NFIA: variants seen among roughly 807,000 people sequenced by gnomAD.
The protein encoded by NFIA is nuclear factor 1 A-type.
In NFIA, 8 loss-of-function variants were observed where a neutral mutation model predicts 62.8. The observed-to-expected ratio is 0.13, with a 90% CI of 0.07 to 0.23. The LOEUF (loss-of-function observed/expected upper bound fraction) is 0.23, where lower values mean the gene tolerates loss of function less well. Among genes scored for constraint, NFIA ranks in the 10% least tolerant of loss-of-function variants. The pLI, the probability that NFIA is intolerant of heterozygous loss-of-function variation, is 1.00. For missense variants in NFIA, 410 were observed against 642.1 expected, an observed-to-expected ratio of 0.64 and a Z score of 3.91; for synonymous variants, 235 against 238.1, an observed-to-expected ratio of 0.99 and a Z score of 0.12.
At chr1:61,206,149 T>C (rs1007132641) in intron 2 of NFIA, among the ~76,000 whole-genome samples, 2 of 152,122 alleles carry the variant, frequency 1.3e-5, no homozygotes, top group African/African-American at 4.8e-5. Flanking sequence ...TTGCAGACAT[T>C]TTTAAGACAA....
In NFIA at chr1:61,277,396, A is replaced by T. The variant is rs1191373054; in HGVS notation, c.560-124A>T. ...CCATCTTTTCTTTTTTTCATGTCTC[A>T]TGTCATTTCTGTAATGTTCCCTTTC... On this transcript the variant is annotated intron_variant, in intron 2 of 10. Transcript: ENST00000403491. 4 of 809,378 alleles carry T rather than the reference A, an allele frequency of 4.9e-6. No homozygotes were observed. In the African/African-American group the frequency reaches 7.0e-5, roughly 14 times the overall value. 50.1% of individuals were successfully genotyped at this position (809,378 alleles called of 1,614,324 possible).
intron 2 of NFIA, among the ~76,000 whole-genome samples, chr1:61,249,636 C>T (rs1361727666): frequency 6.6e-6 from 1 of 152,216 alleles, no homozygotes; most frequent in East Asian, 1.9e-4. Context: ...GAAACCCCAT[C>T]TCTACTAAAA....
In NFIA at chr1:61,437,606, A is replaced by G. The variant is rs78892631; in HGVS notation, c.1512+11050A>G. On this transcript the variant is annotated intron_variant, in intron 10 of 10. Coordinates refer to ENST00000403491, the MANE Select transcript of NFIA (RefSeq NM_001134673.4). ...ATTCAATCCCTGCCGTACATAGCTCACAGAAAGAAAAGTAAATAAACTAAG... is the reference window on the plus strand; with the variant it reads ...ATTCAATCCCTGCCGTACATAGCTCGCAGAAAGAAAAGTAAATAAACTAAG... Among the ~76,000 whole-genome samples the G allele has an allele frequency of 9.0e-3, 1,368 of 152,316 alleles. 19 individuals carry two copies. Among genetic ancestry groups the G allele is most frequent in the African/African-American group, 0.032 (1,311 of 41,564 alleles).
At chr1:61,179,499 G>A (rs183383577) in intron 2 of NFIA, among the ~76,000 whole-genome samples, 8 of 152,308 alleles carry the variant, frequency 5.3e-5, no homozygotes, top group Admixed American at 6.5e-5. Context: ...TCGTAAAAGC[G>A]TTTGTAAATG....
chr1:61,306,140 G>A (rs904257883), intron 3 of NFIA, among the ~76,000 whole-genome samples: 78 of 151,544 alleles, frequency 5.1e-4, no homozygotes, highest in Admixed American at 3.9e-3. Context: ...GTGAGCCACC[G>A]CACCCAGCCT....
chr1:61,077,363 C>A, upstream of NFIA: 1 of 344,510 alleles, frequency 2.9e-6, no homozygotes, highest in Non-Finnish European at 5.2e-6. Context: ...AGAGTGAGAG[C>A]GAGCGAGCGA....
At chr1:61,413,566 A>G (rs751356814) in intron 9 of NFIA, among the ~76,000 whole-genome samples, 1 of 148,792 alleles carries the variant, frequency 6.7e-6, no homozygotes, top group Non-Finnish European at 1.5e-5. Flanking sequence ...TCTGGGGGGA[A>G]CCACAGCTGT....
intron 2 of NFIA, among the ~76,000 whole-genome samples, chr1:61,138,927 T>C (rs1647297590): frequency 6.6e-6 from 1 of 151,178 alleles, no homozygotes; most frequent in African/African-American, 2.4e-5. Context: ...CAGTGGCTCA[T>C]GCCTGTAACC....
chr1:61,449,268 A>G (rs1366602379), intron 10 of NFIA, among the ~76,000 whole-genome samples: 1 of 152,194 alleles, frequency 6.6e-6, no homozygotes, highest in Non-Finnish European at 1.5e-5. Flanking sequence ...GCTAGAAGTC[A>G]TCCATCCAGA....
chr1:61,205,139 C>T (rs1243802757), intron 2 of NFIA, among the ~76,000 whole-genome samples: 1 of 152,164 alleles, frequency 6.6e-6, no homozygotes, highest in East Asian at 1.9e-4. Flanking sequence ...AATGAGGAAA[C>T]TGAAGCACAA....
At chr1:61,170,583 CT>C (rs1367677862) in intron 2 of NFIA, among the ~76,000 whole-genome samples, 1 of 152,188 alleles carries the variant, frequency 6.6e-6, no homozygotes, top group Non-Finnish European at 1.5e-5. Context: ...AACTTGAACT[CT>C]TGCCTGGGAA....
At chr1:61,085,815 G>C (rs1646208964) in intron 1 of NFIA, among the ~76,000 whole-genome samples, 1 of 152,098 alleles carries the variant, frequency 6.6e-6, no homozygotes, top group Non-Finnish European at 1.5e-5. Flanking sequence ...GGGGACTTAA[G>C]TTATTCTTAA....
chr1:61,211,268 T>C (rs551124041), intron 2 of NFIA, among the ~76,000 whole-genome samples: 3 of 152,322 alleles, frequency 2.0e-5, no homozygotes, highest in Middle Eastern at 3.4e-3. Flanking sequence ...CCAGAAGTTA[T>C]GTTTCTCAGT....
At chr1:61,277,368 T>G (rs1225632915) in intron 2 of NFIA, 152 bp from the exon 3 acceptor site, 1 of 708,674 alleles carries the variant, frequency 1.4e-6, no homozygotes, top group Non-Finnish European at 2.4e-6. Flanking sequence ...TTCTTTTCTC[T>G]TTCCATCTTT....
intron 3 of NFIA, among the ~76,000 whole-genome samples, chr1:61,280,195 A>G (rs1267757123): frequency 1.3e-5 from 2 of 152,192 alleles, no homozygotes. Context: ...ATGAAGATTC[A>G]GGGCTGGGTA....
chr1:61,316,009 C>G (rs1360270760), intron 3 of NFIA, among the ~76,000 whole-genome samples: 1 of 152,132 alleles, frequency 6.6e-6, no homozygotes, highest in Non-Finnish European at 1.5e-5. Context: ...AAAAGGAGAT[C>G]AGGGAGGCTT....
intron 2 of NFIA, among the ~76,000 whole-genome samples, chr1:61,144,465 G>A (rs531621224): frequency 3.3e-5 from 5 of 152,270 alleles, no homozygotes; most frequent in African/African-American, 1.2e-4. Flanking sequence ...TTTAGTGATT[G>A]GCAAAGCTCA....
Position 61,088,722 on chromosome 1 carries a change from G to A in NFIA, c.559+42G>A, listed in dbSNP as rs1646263402. 6.4e-7 allele frequency: 1 copy of A among 1,572,942 alleles called. No homozygotes were observed. Among genetic ancestry groups the A allele is most frequent in the South Asian group, 1.2e-5 (1 of 86,012 alleles). The stretch of plus-strand genomic sequence containing the variant: ...GAATTCCTCCCACTTTCTTGTGTGT[G>A]TTTCTTTCCTGATGGCCTCCGCGTT... On this transcript the variant is annotated intron_variant, in intron 2 of 10. Coordinates refer to ENST00000403491, the MANE Select transcript of NFIA (RefSeq NM_001134673.4). This position sits in a 1 kb window ranked among gnomAD's most constrained non-coding sequence, Gnocchi z 4.5.
chr1:61,417,511 T>G (rs1328537080), intron 9 of NFIA, among the ~76,000 whole-genome samples: 3 of 151,922 alleles, frequency 2.0e-5, no homozygotes. Context: ...CTAATAATTT[T>G]TTTAGGATAT....
Sources: allele counts gnomAD v4.1 joint callset (sites outside exome capture counted in the v4.1 genomes callset), GRCh38; gene constraint gnomAD v4.1.1; non-coding constraint Gnocchi (gnomAD v3.1); transcripts MANE v1.5; gene names NCBI Gene and HGNC (gene_info 2026-07-23, HGNC 2026-07-21).